MOSMO: variants seen among roughly 807,000 people sequenced by gnomAD.
MOSMO encodes modulator of smoothened protein.
In MOSMO, 5 loss-of-function variants were observed where a neutral mutation model predicts 18.4. The observed-to-expected ratio is 0.27, with a 90% CI of 0.14 to 0.57. The LOEUF (loss-of-function observed/expected upper bound fraction) is 0.57. Among genes scored for constraint, MOSMO ranks in the 20% least tolerant of loss-of-function variants. The probability of loss-of-function intolerance (pLI) is 0.92; values close to 1 mark genes in which losing one functional copy is unlikely to be tolerated. For missense variants in MOSMO, 138 were observed against 211.8 expected (o/e 0.65, Z 2.16); for synonymous variants, 82 against 82.3 (o/e 1.00, Z 0.02).
chr16:22,008,225 G>A lies in MOSMO; in HGVS notation c.-77G>A. On this transcript the variant is annotated 5_prime_UTR_variant, in exon 1 of 3. Transcript: ENST00000542527. Reference sequence around the variant, plus strand: ...AGCGGCGCGGGGACTCCGGGCCCCGGCGGCGGCCCATGGGGCGGGAGGCGT... The same window carrying A: ...AGCGGCGCGGGGACTCCGGGCCCCGACGGCGGCCCATGGGGCGGGAGGCGT... 1 of 806,358 alleles carries A rather than the reference G, an allele frequency of 1.2e-6. No homozygotes were observed. The highest frequency in any genetic ancestry group is 1.7e-6 in the Non-Finnish European group (1 of 579,242). The allele number at this position is 806,358 out of a possible 1,614,324, so 50.0% of individuals were successfully genotyped here. A position where few individuals can be genotyped will look rare whatever the true frequency, so the allele number is the denominator to read the frequency against.
intron 1 of MOSMO, among the ~76,000 whole-genome samples, chr16:22,017,226 A>G (rs1567499001): frequency 6.6e-6 from 1 of 152,210 alleles, no homozygotes; most frequent in Admixed American, 6.5e-5. Flanking sequence ...TGAATTATAA[A>G]TAAGAACTTG....
intron 1 of MOSMO, among the ~76,000 whole-genome samples, chr16:22,073,406 A>C (rs191860490): frequency 1.6e-3 from 238 of 152,302 alleles, no homozygotes; most frequent in Non-Finnish European, 2.5e-3. Flanking sequence ...AACAGTGACT[A>C]GAAAAGGATA....
In MOSMO at chr16:22,075,357, G is replaced by A. The variant is rs1320824845; in HGVS notation, c.107-130G>A. On this transcript the variant is annotated intron_variant, in intron 1 of 2. Coordinates refer to ENST00000542527, the MANE Select transcript of MOSMO (RefSeq NM_001164579.2). ...GAACTACAGCAGATGCTGAAGAGTA[G>A]GACTTAGGATGTGCTTGAATGACCC... 5.5e-6 allele frequency: 4 copies of A among 732,380 alleles called. No homozygotes were observed. In the African/African-American group the frequency reaches 6.9e-5, roughly 13 times the overall value. 45.4% of individuals were successfully genotyped at this position (732,380 alleles called of 1,614,324 possible).
intron 1 of MOSMO, among the ~76,000 whole-genome samples, chr16:22,058,748 G>C (rs1272515875): frequency 6.6e-6 from 1 of 152,216 alleles, no homozygotes; most frequent in East Asian, 1.9e-4. Context: ...TGTTGAGCTT[G>C]AGATGCCTAT....
At chr16:22,043,443 G>A (rs1422504541) in intron 1 of MOSMO, among the ~76,000 whole-genome samples, 1 of 152,046 alleles carries the variant, frequency 6.6e-6, no homozygotes, top group Non-Finnish European at 1.5e-5. Flanking sequence ...CTTATCATCT[G>A]ACTATTCACA....
rs1169076330 is a variant in MOSMO at position 22,043,991 on chromosome 16, C to A, written c.107-31496C>A. Among the ~76,000 whole-genome samples the A allele has an allele frequency of 2.0e-5, 3 of 151,794 alleles. No homozygotes were observed. In the East Asian group the frequency reaches 5.8e-4, roughly 29 times the overall value. Reference sequence around the variant, plus strand: ...AAGGCCTGTCTTACATGGCTGCAGGCAAGAGAGAATGAGAGAGCCAAGTGT... The same window carrying A: ...AAGGCCTGTCTTACATGGCTGCAGGAAAGAGAGAATGAGAGAGCCAAGTGT... On this transcript the variant is annotated intron_variant, in intron 1 of 2. Transcript: ENST00000542527.
intron 1 of MOSMO, among the ~76,000 whole-genome samples, chr16:22,068,131 T>C (rs1270537770): frequency 6.6e-6 from 1 of 152,196 alleles, no homozygotes; most frequent in Non-Finnish European, 1.5e-5. Flanking sequence ...TGTAGGTAAA[T>C]GTAAAAGTCA....
At chr16:22,012,329 G>A (rs868608021) in intron 1 of MOSMO, among the ~76,000 whole-genome samples, 1 of 152,070 alleles carries the variant, frequency 6.6e-6, no homozygotes, top group Non-Finnish European at 1.5e-5. Context: ...CTTTGTCTCC[G>A]TTTCCTCCTG....
At chr16:22,068,194 A>G (rs546598678) in intron 1 of MOSMO, among the ~76,000 whole-genome samples, 1 of 152,336 alleles carries the variant, frequency 6.6e-6, no homozygotes, top group African/African-American at 2.4e-5. Flanking sequence ...ATAATTATAA[A>G]AGTGTGTTAG....
chr16:22,013,650 T>C (rs1899578378), intron 1 of MOSMO, among the ~76,000 whole-genome samples: 1 of 152,128 alleles, frequency 6.6e-6, no homozygotes, highest in African/African-American at 2.4e-5. Context: ...ATCCTAATCA[T>C]CCTAGATAGA....
chr16:22,074,078 G>T (rs1430802961), intron 1 of MOSMO, among the ~76,000 whole-genome samples: 6 of 152,078 alleles, frequency 3.9e-5, no homozygotes, highest in East Asian at 1.9e-4. Context: ...TTGCAGAAAA[G>T]CACCCTCCTT....
chr16:22,034,721 GT>G (rs778647297), intron 1 of MOSMO, among the ~76,000 whole-genome samples: 3 of 40,874 alleles, frequency 7.3e-5, no homozygotes, highest in South Asian at 9.2e-4. Flanking sequence ...TTTAGAAACT[GT>G]TTTTTTTGTT....
intron 1 of MOSMO, among the ~76,000 whole-genome samples, chr16:22,040,666 C>T (rs1038489297): frequency 2.0e-5 from 3 of 152,110 alleles, no homozygotes; most frequent in Non-Finnish European, 4.4e-5. Context: ...ATGTAAGATA[C>T]ATTATATGTT....
rs935267785 is a variant in MOSMO at position 22,080,944 on chromosome 16, G to C, written c.*64G>C. The C allele has an allele frequency of 1.2e-6, 1 of 840,326 alleles. No individual in the cohort carries two copies. Among genetic ancestry groups the C allele is most frequent in the Non-Finnish European group, 1.6e-6 (1 of 618,206 alleles). 52.1% of individuals were successfully genotyped at this position (840,326 alleles called of 1,614,324 possible). ...TTATTTTATTTTTTTATTTTTGGAGGGTGGAGAGGACAAAGGCGAGGCATC... is the reference window on the plus strand; with the variant it reads ...TTATTTTATTTTTTTATTTTTGGAGCGTGGAGAGGACAAAGGCGAGGCATC... On this transcript the variant is annotated 3_prime_UTR_variant, in exon 3 of 3. Transcript: ENST00000542527.
chr16:22,092,465 T>C, downstream of MOSMO: 1 of 689,946 alleles, frequency 1.4e-6, no homozygotes, highest in South Asian at 2.3e-5. Flanking sequence ...TCCCTTTCCC[T>C]GCCCCGAGCT....
intron 1 of MOSMO, among the ~76,000 whole-genome samples, chr16:22,027,360 G>A (rs919577678): frequency 3.3e-5 from 5 of 152,276 alleles, no homozygotes; most frequent in Middle Eastern, 3.4e-3. Flanking sequence ...AAATTTAACC[G>A]TTATACAAAA....
chr16:22,060,836 G>A (rs1038000308), intron 1 of MOSMO, among the ~76,000 whole-genome samples: 1 of 151,602 alleles, frequency 6.6e-6, no homozygotes, highest in Non-Finnish European at 1.5e-5. Flanking sequence ...TCGCATCATT[G>A]CACTCTAGCC....
At chr16:22,012,414 C>T (rs1246976175) in intron 1 of MOSMO, among the ~76,000 whole-genome samples, 6 of 152,142 alleles carry the variant, frequency 3.9e-5, no homozygotes. Context: ...CCATGTCAAA[C>T]ATTTAGAACA....
At chr16:22,016,403 T>G (rs1899637835) in intron 1 of MOSMO, among the ~76,000 whole-genome samples, 3 of 152,220 alleles carry the variant, frequency 2.0e-5, no homozygotes, top group South Asian at 4.1e-4. Flanking sequence ...TTGTACTGTC[T>G]GTCTTATTTA....
Sources: allele counts gnomAD v4.1 joint callset (sites outside exome capture counted in the v4.1 genomes callset), GRCh38; gene constraint gnomAD v4.1.1; transcripts MANE v1.5; gene names NCBI Gene and HGNC (gene_info 2026-07-23, HGNC 2026-07-21).